RAP1GDS1: variants seen among roughly 807,000 people sequenced by gnomAD.
RAP1GDS1 encodes Rap1 GTPase-GDP dissociation stimulator 1.
RAP1GDS1 carries 35 observed loss-of-function variants against 71.1 expected under a neutral mutation model. That is an observed-to-expected ratio of 0.49 (90% CI 0.38 to 0.65). The LOEUF is 0.65. Among genes scored for constraint, RAP1GDS1 ranks in the 30% least tolerant of loss-of-function variants. The pLI is 0.00. For synonymous variants in RAP1GDS1, 229 were observed against 243.1 expected, an observed-to-expected ratio of 0.94 and a Z score of 0.54; for missense variants, 663 against 706.1, an observed-to-expected ratio of 0.94 and a Z score of 0.69.
chr4:98,268,545 TATACATAGA>T (rs1271070552), intron 1 of RAP1GDS1, among the ~76,000 whole-genome samples: 2 of 151,968 alleles, frequency 1.3e-5, no homozygotes, highest in Non-Finnish European at 2.9e-5. Context: ...AGCATGGTCT[TATACATAGA>T]AAGCCTTAAA....
chr4:98,300,047 C>T (rs1170777479), intron 2 of RAP1GDS1, among the ~76,000 whole-genome samples: 1 of 152,144 alleles, frequency 6.6e-6, no homozygotes, highest in African/African-American at 2.4e-5. Flanking sequence ...AAAGAATTGA[C>T]TCCAGGTTTT....
rs555963750 is a variant in RAP1GDS1 at position 98,311,358 on chromosome 4, ATG to A, written c.112+17847_112+17848del. Among the ~76,000 whole-genome samples, 288 of 152,318 alleles carry A rather than the reference ATG, an allele frequency of 1.9e-3. 1 individual carries two copies. In the Middle Eastern group the frequency reaches 0.024, roughly 13 times the overall value. On this transcript the variant is annotated intron_variant, in intron 2 of 14. Transcript: ENST00000408927. Reference sequence around the variant, plus strand: ...CTCTTAAGTATTTTTTAAAATAAGTATGTGTTTGTTGTTTTTACTTCTTGTAA... The same window carrying A: ...CTCTTAAGTATTTTTTAAAATAAGTATGTTTGTTGTTTTTACTTCTTGTAA...
chr4:98,418,071 T>G (rs1452411680), intron 9 of RAP1GDS1, among the ~76,000 whole-genome samples: 2 of 152,186 alleles, frequency 1.3e-5, no homozygotes, highest in Non-Finnish European at 2.9e-5. Flanking sequence ...ATTTTTCTTT[T>G]TAGTTTAATC....
At chr4:98,325,640 GA>G (rs1732906925) in intron 2 of RAP1GDS1, among the ~76,000 whole-genome samples, 1 of 150,638 alleles carries the variant, frequency 6.6e-6, no homozygotes, top group Non-Finnish European at 1.5e-5. Flanking sequence ...GATGAAATTG[GA>G]AATCATCATT....
chr4:98,388,826 CT>C (rs879660266), intron 5 of RAP1GDS1, among the ~76,000 whole-genome samples: 17 of 151,834 alleles, frequency 1.1e-4, no homozygotes, highest in African/African-American at 3.9e-4. Context: ...ACCTAGAAGA[CT>C]TTTTTTATGT....
intron 13 of RAP1GDS1, among the ~76,000 whole-genome samples, chr4:98,436,113 G>A (rs1399688442): frequency 1.3e-5 from 2 of 151,672 alleles, no homozygotes; most frequent in Non-Finnish European, 2.9e-5. Flanking sequence ...TATAAGGTAC[G>A]AGGTTTAGGT....
intron 3 of RAP1GDS1, among the ~76,000 whole-genome samples, chr4:98,351,085 G>A (rs963377561): frequency 6.6e-6 from 1 of 152,160 alleles, no homozygotes; most frequent in Non-Finnish European, 1.5e-5. Context: ...GCAGATTGAT[G>A]TGTCATCTCC....
rs536445334 is a variant in RAP1GDS1, at chr4:98,289,736, T to G, written c.5-3672T>G. Among the ~76,000 whole-genome samples the G allele has an allele frequency of 8.5e-5, 13 of 152,186 alleles. No individual in the cohort carries two copies. In the South Asian group the frequency reaches 2.7e-3, roughly 32 times the overall value. On this transcript the variant is annotated intron_variant, in intron 1 of 14. Transcript: ENST00000408927. Reference sequence around the variant, plus strand: ...TTCATTCTGTCAGATACTAAACCCTTTAGATAAGTAAAACATAATATTCAA... The same window carrying G: ...TTCATTCTGTCAGATACTAAACCCTGTAGATAAGTAAAACATAATATTCAA...
At chr4:98,348,177 C>T (rs1185051919) in intron 3 of RAP1GDS1, among the ~76,000 whole-genome samples, 1 of 151,880 alleles carries the variant, frequency 6.6e-6, no homozygotes, top group African/African-American at 2.4e-5. Flanking sequence ...CTAGTGTTCT[C>T]ATTATTCAAT....
At chr4:98,407,560 G>A (rs1746316023) in intron 7 of RAP1GDS1, among the ~76,000 whole-genome samples, 1 of 152,056 alleles carries the variant, frequency 6.6e-6, no homozygotes, top group South Asian at 2.1e-4. Context: ...AATGGAACTA[G>A]AGGGCATTAA....
chr4:98,261,983 C>T (rs749643471), intron 1 of RAP1GDS1, among the ~76,000 whole-genome samples: 12 of 152,254 alleles, frequency 7.9e-5, no homozygotes, highest in Non-Finnish European at 1.3e-4. Flanking sequence ...ACCACTACCA[C>T]TTCGTGTAAC....
intron 4 of RAP1GDS1, among the ~76,000 whole-genome samples, chr4:98,362,269 C>T (rs903538066): frequency 6.6e-6 from 1 of 152,056 alleles, no homozygotes; most frequent in Non-Finnish European, 1.5e-5. Flanking sequence ...CACTTGAGCC[C>T]AGGAGTGCAA....
chr4:98,442,422 G>T lies in RAP1GDS1; in HGVS notation c.*305G>T. The T allele has an allele frequency of 3.7e-6, 1 of 269,472 alleles. No homozygotes were observed. The highest frequency in any genetic ancestry group is 5.4e-5 in the East Asian group (1 of 18,362). The allele number at this position is 269,472 out of a possible 1,614,324, so 16.7% of individuals were successfully genotyped here. A position where few individuals can be genotyped will look rare whatever the true frequency, so the allele number is the denominator to read the frequency against. ...TGATGTAAACTTGGTACTACATAAT[G>T]ACTTGCTCCACACATGCAGTAAACT... On this transcript the variant is annotated 3_prime_UTR_variant, in exon 15 of 15. Coordinates refer to ENST00000408927, the MANE Select transcript of RAP1GDS1 (RefSeq NM_001100427.2).
At chr4:98,369,727 T>C (rs973238400) in intron 4 of RAP1GDS1, among the ~76,000 whole-genome samples, 6 of 152,002 alleles carry the variant, frequency 3.9e-5, no homozygotes, top group African/African-American at 1.2e-4. Flanking sequence ...TTGAGGATTC[T>C]TTTGGTTGTG....
In RAP1GDS1 at chr4:98,418,896, T is replaced by TA. The variant is rs200087197; in HGVS notation, c.1174+114dup. 4.0e-3 allele frequency: 4,442 copies of TA among 1,116,228 alleles called. 47 individuals are homozygous for TA. Among genetic ancestry groups the TA allele is most frequent in the South Asian group, 2.5e-3 (80 of 32,472 alleles). The allele number at this position is 1,116,228 out of a possible 1,614,324, so 69.1% of individuals were successfully genotyped here. A position where few individuals can be genotyped will look rare whatever the true frequency, so the allele number is the denominator to read the frequency against. On this transcript the variant is annotated intron_variant, in intron 10 of 14. Transcript: ENST00000408927. ...TGAACCTGCTCTGATGAAGAAAATT[T>TA]AAAAAAAAATAGTCTTCACATTGTT...
At chr4:98,365,805 A>T (rs1317421835) in intron 4 of RAP1GDS1, among the ~76,000 whole-genome samples, 1 of 152,170 alleles carries the variant, frequency 6.6e-6, no homozygotes, top group Non-Finnish European at 1.5e-5. Flanking sequence ...CAGCAAAGTA[A>T]GCTTTTCAGT....
At chr4:98,438,120 A>G (rs1751392883) in intron 14 of RAP1GDS1, among the ~76,000 whole-genome samples, 1 of 152,062 alleles carries the variant, frequency 6.6e-6, no homozygotes, top group African/African-American at 2.4e-5. Flanking sequence ...CTACACCTTT[A>G]GGATTGCTGT....
At chr4:98,341,930 G>A (rs1267296401) in intron 2 of RAP1GDS1, among the ~76,000 whole-genome samples, 2 of 151,650 alleles carry the variant, frequency 1.3e-5, no homozygotes, top group Non-Finnish European at 2.9e-5. Flanking sequence ...ATATGCATAT[G>A]CATATACATA....
intron 1 of RAP1GDS1, among the ~76,000 whole-genome samples, chr4:98,269,326 C>G (rs901283071): frequency 1.3e-5 from 2 of 151,940 alleles, no homozygotes; most frequent in Admixed American, 1.3e-4. Context: ...CAAAATGGGT[C>G]AGAGATTTAA....
Sources: gnomAD v4.1 joint callset for allele counts (sites outside exome capture counted in the v4.1 genomes callset) on GRCh38, gnomAD v4.1.1 for gene constraint, MANE v1.5 for transcripts, NCBI Gene and HGNC (gene_info 2026-07-23, HGNC 2026-07-21) for gene names.